CLYBL: variants seen among roughly 807,000 people sequenced by gnomAD.
CLYBL encodes citramalyl-CoA lyase, mitochondrial.
CLYBL carries 31 observed loss-of-function variants against 38.9 expected under a neutral mutation model. The ratio of observed to expected loss-of-function variants is 0.80; its 90% confidence interval spans 0.60 to 1.08. The LOEUF is 1.08. CLYBL is among the 50% of genes least tolerant of loss of function. CLYBL has a pLI of 0.00. For missense variants in CLYBL, 434 were observed against 411.6 expected, an observed-to-expected ratio of 1.05 and a Z score of -0.47; for synonymous variants, 171 against 158.6, an observed-to-expected ratio of 1.08 and a Z score of -0.59.
intron 1 of CLYBL, among the ~76,000 whole-genome samples, chr13:99,743,432 G>A (rs1287795331): frequency 2.0e-5 from 3 of 152,180 alleles, no homozygotes; most frequent in Non-Finnish European, 2.9e-5. Context: ...GAGGTAAATT[G>A]AAATGTACAT....
intron 7 of CLYBL, chr13:99,884,991 C>A (rs1395602397): frequency 2.1e-6 from 1 of 486,032 alleles, no homozygotes; most frequent in African/African-American, 2.0e-5. Context: ...GTCGGTATTG[C>A]TGCTCTTGGC....
chr13:99,637,640 C>A (rs1249529907), intron 1 of CLYBL, among the ~76,000 whole-genome samples: 1 of 152,140 alleles, frequency 6.6e-6, no homozygotes. Context: ...CACCTGTAAT[C>A]CCAGCTACTT....
At chr13:99,660,815 G>T (rs1340031665) in intron 1 of CLYBL, among the ~76,000 whole-genome samples, 2 of 151,898 alleles carry the variant, frequency 1.3e-5, no homozygotes, top group African/African-American at 4.8e-5. Context: ...CACAGGCAAG[G>T]ATATTTAAAA....
intron 1 of CLYBL, among the ~76,000 whole-genome samples, chr13:99,613,030 T>G (rs1435794704): frequency 2.3e-5 from 2 of 88,496 alleles, no homozygotes; most frequent in African/African-American, 1.3e-4. Context: ...GTGATGATAA[T>G]AATAATAATA....
chr13:99,693,842 C>G (rs2139437375), intron 1 of CLYBL, among the ~76,000 whole-genome samples: 1 of 152,296 alleles, frequency 6.6e-6, no homozygotes, highest in East Asian at 1.9e-4. Flanking sequence ...CTGATTTCTT[C>G]TGCTACCTTT....
rs574053943 is a variant in CLYBL, at chr13:99,609,366, G to A, written c.62+2609G>A. Among the ~76,000 whole-genome samples the A allele has an allele frequency of 7.1e-4, 107 of 151,712 alleles. 2 individuals carry two copies. Among genetic ancestry groups the A allele is most frequent in the African/African-American group, 2.4e-3 (100 of 41,356 alleles). On this transcript the variant is annotated intron_variant, in intron 1 of 8. Coordinates refer to ENST00000339105, the MANE Select transcript of CLYBL (RefSeq NM_206808.5). ...TAATTTTTGTATTTTTAGTAGAGAC[G>A]GGGTTTCACCATGTTGGCCAGGATG... is the stretch of plus-strand genomic sequence containing the variant.
At chr13:99,828,249 T>G (rs2050736227) in intron 2 of CLYBL, among the ~76,000 whole-genome samples, 1 of 152,118 alleles carries the variant, frequency 6.6e-6, no homozygotes, top group Admixed American at 6.6e-5. Flanking sequence ...GTCAGACGGG[T>G]GCACTCGAGA....
intron 1 of CLYBL, among the ~76,000 whole-genome samples, chr13:99,670,670 CA>C (rs992859436): frequency 3.3e-5 from 5 of 152,186 alleles, no homozygotes; most frequent in Non-Finnish European, 7.3e-5. Context: ...GCCAAAACAA[CA>C]GCAACAACAA....
intron 2 of CLYBL, among the ~76,000 whole-genome samples, chr13:99,816,741 C>G (rs1312674972): frequency 6.6e-6 from 1 of 152,214 alleles, no homozygotes; most frequent in African/African-American, 2.4e-5. Flanking sequence ...TTGCCAGTGC[C>G]TTGATCTTGG....
At chr13:99,678,157 T>C (rs80310380) in intron 1 of CLYBL, among the ~76,000 whole-genome samples, 1,830 of 152,280 alleles carry the variant, frequency 0.012, 40 homozygotes, top group African/African-American at 0.042. Flanking sequence ...ATTGTTGAGT[T>C]TTAAAAGGAA....
At chr13:99,829,327 C>G (rs2050759292) in intron 2 of CLYBL, among the ~76,000 whole-genome samples, 1 of 152,100 alleles carries the variant, frequency 6.6e-6, no homozygotes, top group Admixed American at 6.5e-5. Context: ...GGTTCTGATG[C>G]AGGAAGAATG....
intron 1 of CLYBL, among the ~76,000 whole-genome samples, chr13:99,675,117 A>G (rs1255491364): frequency 6.6e-6 from 1 of 152,192 alleles, no homozygotes; most frequent in African/African-American, 2.4e-5. Flanking sequence ...TGACAAGAGC[A>G]GATTTGGTAG....
In CLYBL at chr13:99,711,245, C is replaced by T. The variant is rs556744264; in HGVS notation, c.63-61579C>T. Among the ~76,000 whole-genome samples the T allele has an allele frequency of 2.6e-3, 397 of 152,114 alleles. 5 individuals are homozygous for T. The highest frequency in any genetic ancestry group is 9.1e-3 in the African/African-American group (378 of 41,490). On this transcript the variant is annotated intron_variant, in intron 1 of 8. Coordinates refer to ENST00000339105, the MANE Select transcript of CLYBL (RefSeq NM_206808.5). ...CATAAACTGGGTGTCTTATAAGCAA[C>T]AGAAATTTATTTCCCACACTTCTGG...
At chr13:99,763,548 C>A (rs368675664) in intron 1 of CLYBL, among the ~76,000 whole-genome samples, 15 of 116,126 alleles carry the variant, frequency 1.3e-4, no homozygotes, top group African/African-American at 4.3e-4. Flanking sequence ...TCTTTTTATT[C>A]TTTTTTTTTT....
intron 1 of CLYBL, among the ~76,000 whole-genome samples, chr13:99,674,103 A>ATAGCTACTAGAATTCGTTTTTTTT (rs1295732039): frequency 7.0e-6 from 1 of 142,744 alleles, no homozygotes; most frequent in African/African-American, 2.6e-5. Flanking sequence ...TGAATTTAAG[A>ATAGCTACTAGAATTCGTTTTTTTT]TAGCTACTAG....
At chr13:99,684,977 T>A (rs919295739) in intron 1 of CLYBL, among the ~76,000 whole-genome samples, 6 of 152,244 alleles carry the variant, frequency 3.9e-5, no homozygotes, top group African/African-American at 1.4e-4. Context: ...CCTTCAGGCG[T>A]AATTGGAGTT....
chr13:99,813,745 A>G (rs757314232), intron 2 of CLYBL, among the ~76,000 whole-genome samples: 2 of 152,236 alleles, frequency 1.3e-5, no homozygotes, highest in African/African-American at 4.8e-5. Flanking sequence ...AATGCCTGAC[A>G]GTAGTACTGT....
At position 99,676,182 on chromosome 13, in the gene CLYBL, GTCCGTCCTTCCT is replaced by G. The variant is rs1281493735; in HGVS notation, c.62+69429_62+69440del. ...CAGACTGGCTTCCTTCCTTCCCTCC[GTCCGTCCTTCCT>G]TCCTTCCTTCCTTCCTTCCTTCCTT... On this transcript the variant is annotated intron_variant, in intron 1 of 8. Transcript: ENST00000339105. 5.9e-5 allele frequency among the ~76,000 whole-genome samples: 5 copies of G among 84,734 alleles called. 1 individual carries two copies. The highest frequency in any genetic ancestry group is 2.1e-4 in the African/African-American group (5 of 23,262). The allele number at this position is 84,734 out of a possible 152,430, so 55.6% of individuals were successfully genotyped here.
At chr13:99,885,402 G>T (rs781109073) in intron 7 of CLYBL, among the ~76,000 whole-genome samples, 1 of 152,146 alleles carries the variant, frequency 6.6e-6, no homozygotes, top group Non-Finnish European at 1.5e-5. Context: ...CAGGGGACTG[G>T]CAGGAGATGA....
Sources: gnomAD v4.1 joint callset for allele counts (sites outside exome capture counted in the v4.1 genomes callset) on GRCh38, gnomAD v4.1.1 for gene constraint, MANE v1.5 for transcripts, NCBI Gene and HGNC (gene_info 2026-07-23, HGNC 2026-07-21) for gene names.